The following DMD variants were observed in gnomAD, a reference collection of about 807,000 sequenced individuals.
DMD encodes mutant dystrophin.
A neutral mutation model predicts 330.1 loss-of-function variants in DMD; 63 were observed. The ratio of observed to expected loss-of-function variants is 0.19; its 90% CI spans 0.16 to 0.24. The LOEUF (loss-of-function observed/expected upper bound fraction) is 0.24, where lower values mean the gene tolerates loss of function less well. Ranked by LOEUF, DMD falls within the 10% of genes least tolerant of loss-of-function variation. The pLI is 1.00. For synonymous variants in DMD, 1,223 were observed against 959.8 expected (o/e 1.27, Z -5.07); for missense variants, 3,344 against 2,684.1 (o/e 1.25, Z -5.43).
intron 1 of DMD, among the ~76,000 whole-genome samples, chrX:33,023,239 T>C (rs1012090917): frequency 1.8e-5 from 2 of 112,097 alleles, no homozygotes; most frequent in Non-Finnish European, 3.8e-5. Flanking sequence ...ATAAATCTCA[T>C]ATAAGCTGCT....
At chrX:32,995,054 G>A (rs993217746) in intron 2 of DMD, among the ~76,000 whole-genome samples, 1 of 111,689 alleles carries the variant, frequency 9.0e-6, no homozygotes, top group Non-Finnish European at 1.9e-5. Context: ...GCAATGAGCC[G>A]CAATGACTCC....
intron 44 of DMD, among the ~76,000 whole-genome samples, chrX:32,175,208 C>T (rs771271765): frequency 1.8e-5 from 2 of 111,008 alleles, no homozygotes; most frequent in African/African-American, 6.5e-5. Context: ...CGAGTGGGGA[C>T]TTGGGGAACT....
intron 2 of DMD, among the ~76,000 whole-genome samples, chrX:33,002,850 GAAAAAAAAAAAAA>G (rs145168802): frequency 3.4e-4 from 13 of 38,758 alleles, no homozygotes; most frequent in African/African-American, 8.5e-4. Context: ...TTTTTTTCTC[GAAAAAAAAAAAAA>G]AAAAAAAAAA....
chrX:32,732,860 A>T (rs2067897138), intron 7 of DMD, among the ~76,000 whole-genome samples: 1 of 110,436 alleles, frequency 9.1e-6, no homozygotes, highest in African/African-American at 3.3e-5. Flanking sequence ...TCAACTAACG[A>T]GCAAAATCAC....
intron 47 of DMD, among the ~76,000 whole-genome samples, chrX:31,899,420 AT>A (rs1452504212): frequency 2.7e-5 from 3 of 109,455 alleles, no homozygotes; most frequent in Non-Finnish European, 5.7e-5. Flanking sequence ...GTGCCTATTG[AT>A]TTTTGGAGGG....
intron 60 of DMD, among the ~76,000 whole-genome samples, chrX:31,403,568 C>G (rs1230834950): frequency 9.0e-6 from 1 of 111,595 alleles, no homozygotes; most frequent in African/African-American, 3.2e-5. Context: ...AAATGCTGTG[C>G]TCCTTAATAC....
chrX:32,899,088 A>G (rs950214234), intron 2 of DMD, among the ~76,000 whole-genome samples: 4 of 112,048 alleles, frequency 3.6e-5, no homozygotes, highest in African/African-American at 1.3e-4. Context: ...AAAATAAAAT[A>G]TATGGCCAAA....
chrX:32,340,161 A>G (rs1200364137), intron 41 of DMD, among the ~76,000 whole-genome samples: 1 of 111,731 alleles, frequency 9.0e-6, no homozygotes, highest in Non-Finnish European at 1.9e-5. Context: ...CTTATCATCT[A>G]TCAATTATCC....
intron 47 of DMD, among the ~76,000 whole-genome samples, chrX:31,882,917 T>A (rs940001798): frequency 8.9e-6 from 1 of 111,864 alleles, no homozygotes; most frequent in Non-Finnish European, 1.9e-5. Context: ...GAAAAACTGT[T>A]TTTTGGTGAT....
chrX:33,294,386 C>T (rs184586234), intron 1 of DMD, among the ~76,000 whole-genome samples: 10 of 110,872 alleles, frequency 9.0e-5, no homozygotes, highest in Non-Finnish European at 1.7e-4. Flanking sequence ...TTATATTTCG[C>T]CATAGTTTTT....
At chrX:32,525,634 C>T (rs1188449124) in intron 17 of DMD, among the ~76,000 whole-genome samples, 1 of 111,233 alleles carries the variant, frequency 9.0e-6, no homozygotes, top group Non-Finnish European at 1.9e-5. Context: ...GTGTAGTTTT[C>T]ATGTATTTCA....
chrX:32,831,087 T>A (rs1023884070), intron 4 of DMD, among the ~76,000 whole-genome samples: 4 of 110,783 alleles, frequency 3.6e-5, no homozygotes, highest in Non-Finnish European at 7.6e-5. Context: ...AATTCTAAGA[T>A]TAATATATAA....
At chrX:31,512,236 C>T (rs1252109083) in intron 55 of DMD, among the ~76,000 whole-genome samples, 1 of 108,466 alleles carries the variant, frequency 9.2e-6, no homozygotes, top group Admixed American at 9.8e-5. Context: ...GGATATTAGC[C>T]CTTTGTCAGA....
intron 59 of DMD, among the ~76,000 whole-genome samples, chrX:31,446,175 G>A (rs753740233): frequency 8.9e-6 from 1 of 112,372 alleles, no homozygotes; most frequent in East Asian, 2.8e-4. Flanking sequence ...AAACCGTGGT[G>A]CTGTATAGAG....
chrX:31,719,240 A>C (rs1385961935), intron 52 of DMD, among the ~76,000 whole-genome samples: 1 of 112,282 alleles, frequency 8.9e-6, no homozygotes, highest in African/African-American at 3.2e-5. Context: ...CTTTTTGTGT[A>C]ATCAGGTAGA....
chrX:33,214,863 G>A (rs1475852807), upstream of DMD, among the ~76,000 whole-genome samples: 1 of 111,774 alleles, frequency 8.9e-6, no homozygotes, highest in East Asian at 2.8e-4. Context: ...ATGTTGCGCA[G>A]GCTGGTCTTT....
intron 13 of DMD, among the ~76,000 whole-genome samples, chrX:32,574,753 A>T (rs2052832536): frequency 9.0e-6 from 1 of 111,145 alleles, no homozygotes; most frequent in South Asian, 3.7e-4. Flanking sequence ...TTTATAACTC[A>T]TATTTTTGAA....
intron 37 of DMD, among the ~76,000 whole-genome samples, chrX:32,357,470 C>T (rs1256264418): frequency 2.7e-5 from 3 of 111,205 alleles, no homozygotes; most frequent in Non-Finnish European, 5.7e-5. Context: ...ACAATTCACC[C>T]AAGTGCATAC....
intron 60 of DMD, among the ~76,000 whole-genome samples, chrX:31,390,742 C>T (rs985329338): frequency 1.1e-4 from 12 of 112,046 alleles, no homozygotes; most frequent in African/African-American, 3.9e-4. Context: ...ATGCCTCTTA[C>T]CTGGCCTCTT....
Sources: allele counts gnomAD v4.1 joint callset (sites outside exome capture counted in the v4.1 genomes callset), GRCh38; gene constraint gnomAD v4.1.1; transcripts MANE v1.5; gene names NCBI Gene and HGNC (gene_info 2026-07-23, HGNC 2026-07-21).